The following TFEC variants were observed in gnomAD, a reference collection of about 807,000 sequenced individuals.
TFEC encodes the protein class E basic helix-loop-helix protein 34.
TFEC carries 31 observed loss-of-function variants against 41.6 expected under a neutral mutation model. That is an observed-to-expected ratio of 0.74 (90% CI 0.56 to 1.01). The LOEUF (loss-of-function observed/expected upper bound fraction) is 1.01, where lower values mean the gene tolerates loss of function less well. TFEC is among the 50% of genes least tolerant of loss of function. TFEC has a pLI of 0.00. For missense variants in TFEC, 402 were observed against 404.1 expected, an observed-to-expected ratio of 0.99 and a Z score of 0.04; for synonymous variants, 143 against 140.6, an observed-to-expected ratio of 1.02 and a Z score of -0.12.
At chr7:116,117,284 G>A (rs1373263882) in intron 1 of TFEC, among the ~76,000 whole-genome samples, 1 of 151,786 alleles carries the variant, frequency 6.6e-6, no homozygotes, top group Non-Finnish European at 1.5e-5. Flanking sequence ...TGTCCCCAGT[G>A]TCTATACCAT....
intron 3 of TFEC, among the ~76,000 whole-genome samples, chr7:116,058,944 T>A (rs557952520): frequency 1.3e-5 from 2 of 151,548 alleles, no homozygotes; most frequent in African/African-American, 4.8e-5. Context: ...AAAATAAAGA[T>A]CACATGTCCA....
At chr7:115,976,962 T>C (rs952857658) in intron 2 of TFEC, among the ~76,000 whole-genome samples, 1 of 152,180 alleles carries the variant, frequency 6.6e-6, no homozygotes, top group African/African-American at 2.4e-5. Flanking sequence ...ATGAGAAACA[T>C]CCTCCTTTGG....
chr7:116,000,888 C>T (rs1268294300), intron 1 of TFEC, among the ~76,000 whole-genome samples: 5 of 151,458 alleles, frequency 3.3e-5, no homozygotes, highest in Non-Finnish European at 7.4e-5. Context: ...AAGCAATCTA[C>T]AGATTCAATG....
At chr7:116,046,584 C>A (rs1282082484) in intron 3 of TFEC, among the ~76,000 whole-genome samples, 1 of 152,062 alleles carries the variant, frequency 6.6e-6, no homozygotes, top group Non-Finnish European at 1.5e-5. Flanking sequence ...ATAATATAAC[C>A]TACAATGCTA....
chr7:116,030,148 T>G (rs1050942292), intron 1 of TFEC, among the ~76,000 whole-genome samples: 30 of 152,176 alleles, frequency 2.0e-4, no homozygotes, highest in African/African-American at 7.0e-4. Flanking sequence ...TAGGAATTAA[T>G]TTTTAGTCCT....
At chr7:115,966,449 T>C (rs1303824288) in intron 3 of TFEC, among the ~76,000 whole-genome samples, 1 of 151,722 alleles carries the variant, frequency 6.6e-6, no homozygotes, top group Admixed American at 6.6e-5. Flanking sequence ...ACATACCAGG[T>C]ACTAAACCAA....
rs1793381281 is a variant in TFEC at position 115,939,434 on chromosome 7, G to A, written c.*1117C>T. Reference sequence around the variant, plus strand: ...CCAAAGATCATAGGACACTCTAAGTGTTTATAGAAATAGAACCTTACGTTC... The same window carrying A: ...CCAAAGATCATAGGACACTCTAAGTATTTATAGAAATAGAACCTTACGTTC... On this transcript the variant is annotated 3_prime_UTR_variant, in exon 8 of 8. Transcript: ENST00000265440. 1 of 152,002 alleles carries A rather than the reference G, an allele frequency of 6.6e-6. No individual in the cohort carries two copies. Among genetic ancestry groups the A allele is most frequent in the Non-Finnish European group, 1.5e-5 (1 of 67,960 alleles). 9.4% of individuals were successfully genotyped at this position (152,002 alleles called of 1,614,324 possible). A position where few individuals can be genotyped will look rare whatever the true frequency, so the allele number is the denominator to read the frequency against.
intron 1 of TFEC, among the ~76,000 whole-genome samples, chr7:116,137,646 T>A (rs969135380): frequency 6.6e-6 from 1 of 151,992 alleles, no homozygotes; most frequent in Non-Finnish European, 1.5e-5. Context: ...CTATTGAGAG[T>A]TTAACTGAAT....
chr7:116,002,398 AT>A (rs1421187279), intron 1 of TFEC, among the ~76,000 whole-genome samples: 1 of 152,186 alleles, frequency 6.6e-6, no homozygotes, highest in East Asian at 1.9e-4. Flanking sequence ...GCTGGAAGTC[AT>A]TTTGTTATGT....
intron 1 of TFEC, among the ~76,000 whole-genome samples, chr7:116,157,122 C>A (rs979708531): frequency 1.3e-5 from 2 of 152,180 alleles, no homozygotes; most frequent in African/African-American, 4.8e-5. Context: ...AAAATTGTAT[C>A]CTTCTTTTAT....
At chr7:116,072,368 G>A (rs563128390) in intron 3 of TFEC, among the ~76,000 whole-genome samples, 1 of 151,588 alleles carries the variant, frequency 6.6e-6, no homozygotes, top group African/African-American at 2.4e-5. Context: ...ACACACACAA[G>A]TACTCAGCTG....
upstream of TFEC, among the ~76,000 whole-genome samples, chr7:116,033,348 C>G (rs1234967373): frequency 6.6e-6 from 1 of 152,116 alleles, no homozygotes; most frequent in Non-Finnish European, 1.5e-5. Flanking sequence ...AAATACTTCA[C>G]TTCTCTTTGC....
At chr7:116,056,657 A>C (rs1796438004) in intron 3 of TFEC, among the ~76,000 whole-genome samples, 1 of 152,108 alleles carries the variant, frequency 6.6e-6, no homozygotes, top group Non-Finnish European at 1.5e-5. Context: ...TCTAGAAGAA[A>C]TCTTAAACAC....
At chr7:116,158,647 T>C (rs1240138573) in intron 1 of TFEC, among the ~76,000 whole-genome samples, 2 of 152,096 alleles carry the variant, frequency 1.3e-5, no homozygotes, top group African/African-American at 4.8e-5. Context: ...CAAAAATATA[T>C]TATGAAGTTT....
intron 1 of TFEC, among the ~76,000 whole-genome samples, chr7:116,026,820 A>C (rs1795602140): frequency 6.6e-6 from 1 of 152,246 alleles, no homozygotes; most frequent in South Asian, 2.1e-4. Context: ...TCTGATGAAA[A>C]GAGCAGATCA....
intron 3 of TFEC, among the ~76,000 whole-genome samples, chr7:116,086,044 T>A (rs147243038): frequency 0.015 from 2,313 of 151,986 alleles, 19 homozygotes; most frequent in Middle Eastern, 0.027. Flanking sequence ...ATTTTTAGAA[T>A]GCCATTTATT....
chr7:116,031,525 C>T (rs1481498193), upstream of TFEC, among the ~76,000 whole-genome samples: 2 of 152,128 alleles, frequency 1.3e-5, no homozygotes, highest in African/African-American at 2.4e-5. Context: ...GTAATTCACA[C>T]TGTGAAAATC....
intron 1 of TFEC, among the ~76,000 whole-genome samples, chr7:116,023,766 C>A (rs1284607539): frequency 6.6e-6 from 1 of 152,054 alleles, no homozygotes; most frequent in Non-Finnish European, 1.5e-5. Flanking sequence ...ACAGCACTCC[C>A]AGGGAAAAAT....
intron 3 of TFEC, among the ~76,000 whole-genome samples, chr7:116,107,986 G>A (rs900043638): frequency 2.6e-5 from 4 of 152,108 alleles, no homozygotes; most frequent in Non-Finnish European, 5.9e-5. Context: ...TTTATCATGA[G>A]GCTGTGAGGA....
Sources: gnomAD v4.1 joint callset for allele counts (sites outside exome capture counted in the v4.1 genomes callset) on GRCh38, gnomAD v4.1.1 for gene constraint, MANE v1.5 for transcripts, NCBI Gene and HGNC (gene_info 2026-07-23, HGNC 2026-07-21) for gene names.